The following NARF variants were observed in gnomAD, a reference collection of about 807,000 sequenced individuals.
NARF encodes nuclear prelamin A recognition factor, also known as iron-only hydrogenase-like protein 2.
A neutral mutation model predicts 48.0 loss-of-function variants in NARF; 41 were observed. The ratio of observed to expected loss-of-function variants is 0.85; its 90% CI spans 0.66 to 1.11. The LOEUF (loss-of-function observed/expected upper bound fraction) is 1.11. Among genes scored for constraint, NARF ranks in the 50% least tolerant of loss-of-function variants. NARF has a pLI of 0.00. For missense variants in NARF, 613 were observed against 590.2 expected, an observed-to-expected ratio of 1.04 and a Z score of -0.40; for synonymous variants, 215 against 225.5, an observed-to-expected ratio of 0.95 and a Z score of 0.42.
At chr17:82,465,388 C>A (rs1419964323) in intron 3 of NARF, among the ~76,000 whole-genome samples, 1 of 152,180 alleles carries the variant, frequency 6.6e-6, no homozygotes, top group East Asian at 1.9e-4. Context: ...CCACGGGAAG[C>A]ACCGGCATCC....
rs2143832924 is a variant in NARF at position 82,464,205 on chromosome 17, TG to T, written c.109-81del. On this transcript the variant is annotated intron_variant, in intron 2 of 10. Transcript: ENST00000309794. ...TATCTCCAATGTTTACTGTGAATTC[TG>T]TATATGGGTGTTACCCTCTCTAAAG... The T allele has an allele frequency of 8.6e-6, 13 of 1,509,920 alleles. No individual in the cohort carries two copies. In the South Asian group the frequency reaches 1.5e-4, roughly 18 times the overall value. 93.5% of individuals were successfully genotyped at this position (1,509,920 alleles called of 1,614,324 possible).
intron 7 of NARF, 86 bp from the exon 8 acceptor site, chr17:82,483,630 G>T (rs2044024355): frequency 5.5e-6 from 7 of 1,273,592 alleles, no homozygotes; most frequent in Non-Finnish European, 8.0e-6. Context: ...GTCACCCAGG[G>T]TCACTAATGT....
At chr17:82,480,930 CA>C (rs35163925) in intron 6 of NARF, 151 bp from the exon 7 acceptor site, 79,289 of 619,152 alleles carry the variant, frequency 0.13, 3 homozygotes, top group Non-Finnish European at 0.14. Context: ...GACTCCATTT[CA>C]AAAAAAAAAA....
In NARF at chr17:82,488,250, C is replaced by G; in HGVS notation, c.*93C>G. The G allele has an allele frequency of 2.7e-6, 4 of 1,508,310 alleles. No homozygotes were observed. The highest frequency in any genetic ancestry group is 2.7e-6 in the Non-Finnish European group (3 of 1,131,120). 93.4% of individuals were successfully genotyped at this position (1,508,310 alleles called of 1,614,324 possible). Reference sequence around the variant, plus strand: ...TGCCCTGAGTGGAGTATTAAAGACACTTAAGAAAACCGCTCAATGGATTAC... The same window carrying G: ...TGCCCTGAGTGGAGTATTAAAGACAGTTAAGAAAACCGCTCAATGGATTAC... On this transcript the variant is annotated 3_prime_UTR_variant, in exon 11 of 11. Coordinates refer to ENST00000309794, the MANE Select transcript of NARF (RefSeq NM_012336.4).
intron 3 of NARF, among the ~76,000 whole-genome samples, chr17:82,467,660 A>C (rs933503988): frequency 6.6e-6 from 1 of 151,760 alleles, no homozygotes; most frequent in Non-Finnish European, 1.5e-5. Flanking sequence ...ACATGCCACC[A>C]CACCCAGCTA....
In NARF at chr17:82,488,037, C is replaced by T. The variant is rs572964548; in HGVS notation, c.1251C>T (p.His417=). ...IPVRRPESSA[H]VQELYQEWLE... ...TGCGGCGTCCGGAGTCCAGTGCACA[C>T]GTGCAGGAGCTGTACCAGGAGTGGC... Residue 417 remains histidine, a synonymous_variant, in exon 11 of 11, where the codon CAC becomes CAT. Coordinates refer to ENST00000309794, the MANE Select transcript of NARF (RefSeq NM_012336.4). The T allele has an allele frequency of 1.2e-4, 201 of 1,614,188 alleles. 1 individual carries two copies. In the South Asian group the frequency reaches 2.0e-3, roughly 16 times the overall value.
chr17:82,485,228 T>C (rs1215660801), intron 9 of NARF, among the ~76,000 whole-genome samples: 7 of 152,168 alleles, frequency 4.6e-5, no homozygotes, highest in Admixed American at 2.6e-4. Flanking sequence ...GAGACCATCC[T>C]GGCTAACACA....
At chr17:82,480,442 TC>T (rs1396571326) in intron 6 of NARF, 7 of 401,876 alleles carry the variant, frequency 1.7e-5, no homozygotes, top group Non-Finnish European at 2.6e-5. Context: ...TCCCGGTTCT[TC>T]CAGGAGGCTC....
chr17:82,469,215 C>T (rs1323311373), intron 4 of NARF, among the ~76,000 whole-genome samples: 1 of 152,226 alleles, frequency 6.6e-6, no homozygotes, highest in Non-Finnish European at 1.5e-5. Context: ...GGCCCAGCAA[C>T]CTCCAAGTCA....
intron 3 of NARF, among the ~76,000 whole-genome samples, chr17:82,467,862 A>G (rs560115080): frequency 1.3e-5 from 2 of 151,764 alleles, no homozygotes; most frequent in African/African-American, 2.4e-5. Flanking sequence ...TGTTTTTTTT[A>G]TTGTTGTGTA....
intron 7 of NARF, chr17:82,482,420 T>TGCGCGGTGGGCTGTTGACAAAATA (rs1555630044): frequency 4.9e-5 from 8 of 164,026 alleles, no homozygotes; most frequent in Non-Finnish European, 7.8e-5. Context: ...GTTGACAAAA[T>TGCGCGGTGGGCTGTTGACAAAATA]AAAACATGCG....
intron 2 of NARF, 56 bp downstream of exon 2, chr17:82,460,128 T>TC (rs756888434): frequency 8.2e-6 from 12 of 1,465,872 alleles, no homozygotes; most frequent in South Asian, 1.2e-5. Context: ...CTGCTGTTTT[T>TC]CTCTTTGGGG....
At chr17:82,470,793 C>G (rs2043682125) in intron 4 of NARF, among the ~76,000 whole-genome samples, 1 of 152,172 alleles carries the variant, frequency 6.6e-6, no homozygotes, top group Middle Eastern at 3.4e-3. Flanking sequence ...CGTGCCCAGC[C>G]TAATATTTAT....
chr17:82,478,799 G>GGCTGGGTCCGATACGCCGAGCGGGT lies in NARF; in HGVS notation c.529_553dup (p.Arg185ProfsTer54). 6.2e-7 allele frequency: 1 copy of GGCTGGGTCCGATACGCCGAGCGGGT among 1,613,212 alleles called. No homozygotes were observed. Among genetic ancestry groups the GGCTGGGTCCGATACGCCGAGCGGGT allele is most frequent in the Non-Finnish European group, 8.5e-7 (1 of 1,179,576 alleles). On this transcript the variant is annotated frameshift_variant and splice_region_variant. Coordinates refer to ENST00000309794, the MANE Select transcript of NARF (RefSeq NM_012336.4). LOFTEE classifies it high-confidence loss of function. ...TGACCGTGGATCCCTTCTCTCCCCA[G>GGCTGGGTCCGATACGCCGAGCGGGT]GCTGGGTCCGATACGCCGAGCGGGT...
Position 82,488,358 on chromosome 17 carries a change from G to T in NARF, c.*201G>T. On this transcript the variant is annotated 3_prime_UTR_variant, in exon 11 of 11. Transcript: ENST00000309794. ...ATGTGGTGCTATCTTCATAATAGGT[G>T]TGGGATTGGAACTTTTTTTTTCTTT... 2.7e-6 allele frequency: 2 copies of T among 737,822 alleles called. No individual in the cohort carries two copies. Among genetic ancestry groups the T allele is most frequent in the South Asian group, 2.5e-5 (1 of 40,210 alleles). 45.7% of individuals were successfully genotyped at this position (737,822 alleles called of 1,614,324 possible).
Position 82,489,115 on chromosome 17 carries a change from A to G in NARF, c.*958A>G. The G allele has an allele frequency of 6.5e-6, 1 of 153,992 alleles. No individual in the cohort carries two copies. Among genetic ancestry groups the G allele is most frequent in the South Asian group, 1.9e-4 (1 of 5,266 alleles). The allele number at this position is 153,992 out of a possible 1,614,324, so 9.5% of individuals were successfully genotyped here. A position where few individuals can be genotyped will look rare whatever the true frequency, so the allele number is the denominator to read the frequency against. Reference sequence around the variant, plus strand: ...AAAAACTGTAGTTTCTGACAACAGTAGGCCCCATTCCTCACAGCCAGTCAC... The same window carrying G: ...AAAAACTGTAGTTTCTGACAACAGTGGGCCCCATTCCTCACAGCCAGTCAC... On this transcript the variant is annotated 3_prime_UTR_variant, in exon 11 of 11. Transcript: ENST00000309794.
At position 82,459,994 on chromosome 17, in the gene NARF, A is replaced by G. The variant is rs2043394218; in HGVS notation, c.30A>G (p.Glu10=). 6.2e-7 allele frequency: 1 copy of G among 1,613,092 alleles called. No individual in the cohort carries two copies. Among genetic ancestry groups the G allele is most frequent in the Non-Finnish European group, 8.5e-7 (1 of 1,179,338 alleles). ...TAATGTTCCTTTGCTTTTTTAAGGAATGTAGTAAGAAAACAAAAACTGATG... is the reference window on the plus strand; with the variant it reads ...TAATGTTCCTTTGCTTTTTTAAGGAGTGTAGTAAGAAAACAAAAACTGATG... MKCEHCTRK[E]CSKKTKTDDQ... The change falls in exon 2 of 11, where the codon GAA becomes GAG. Residue 10 remains glutamate, a splice_region_variant and synonymous_variant. Transcript: ENST00000309794.
chr17:82,476,304 G>T (rs1164182555), intron 5 of NARF, among the ~76,000 whole-genome samples: 1 of 152,156 alleles, frequency 6.6e-6, no homozygotes, highest in Non-Finnish European at 1.5e-5. Flanking sequence ...ACCATGCCCG[G>T]CTAATTTTTG....
chr17:82,483,905 C>A, intron 8 of NARF, 126 bp downstream of exon 8: 1 of 798,740 alleles, frequency 1.3e-6, no homozygotes, highest in Non-Finnish European at 2.0e-6. Context: ...CGATGCAGTC[C>A]CCCAGGCCCC....
Sources: allele counts gnomAD v4.1 joint callset (sites outside exome capture counted in the v4.1 genomes callset), GRCh38; gene constraint gnomAD v4.1.1; transcripts MANE v1.5; gene names NCBI Gene and HGNC (gene_info 2026-07-23, HGNC 2026-07-21).